The following NELL2 variants were observed in gnomAD, a reference collection of about 807,000 sequenced individuals.
NELL2 encodes neural EGFL like 2.
Under a neutral mutation model 109.6 loss-of-function variants are expected in NELL2, and 41 were observed. That is an observed-to-expected ratio of 0.37 (90% CI 0.29 to 0.49). NELL2 has a LOEUF of 0.49. Ranked by LOEUF, NELL2 falls within the 20% of genes least tolerant of loss-of-function variation. NELL2 has a pLI of 0.98. For missense variants in NELL2, 900 were observed against 1,008.3 expected, an observed-to-expected ratio of 0.89 and a Z score of 1.45; for synonymous variants, 355 against 344.7, an observed-to-expected ratio of 1.03 and a Z score of -0.33.
At chr12:44,738,087 C>T (rs1327922765) in intron 9 of NELL2, among the ~76,000 whole-genome samples, 1 of 152,198 alleles carries the variant, frequency 6.6e-6, no homozygotes, top group Admixed American at 6.5e-5. Context: ...GAAGTTTTCT[C>T]TGCTCTATGA....
At chr12:44,663,532 C>T (rs1184039449) in intron 13 of NELL2, among the ~76,000 whole-genome samples, 1 of 152,116 alleles carries the variant, frequency 6.6e-6, no homozygotes, top group African/African-American at 2.4e-5. Flanking sequence ...GTCTGAATAG[C>T]GTTTCTTAAA....
chr12:44,777,672 G>A (rs1371107487), intron 5 of NELL2, among the ~76,000 whole-genome samples: 1 of 152,078 alleles, frequency 6.6e-6, no homozygotes, highest in Non-Finnish European at 1.5e-5. Context: ...TCTAGCTTCA[G>A]CAACTCTGAA....
At chr12:44,587,955 T>C (rs1339492897) in intron 15 of NELL2, among the ~76,000 whole-genome samples, 1 of 151,984 alleles carries the variant, frequency 6.6e-6, no homozygotes, top group Admixed American at 6.6e-5. Flanking sequence ...ATAGAGACCA[T>C]CCTGGCTAAC....
rs112470991 is a variant in NELL2, at chr12:44,832,281, T to G, written c.185-16145A>C. Among the ~76,000 whole-genome samples the G allele has an allele frequency of 5.5e-3, 831 of 152,156 alleles. 6 individuals are homozygous for G. Among genetic ancestry groups the G allele is most frequent in the South Asian group, 0.033 (161 of 4,826 alleles). ...AATTCTTTATGTCTTTAGTTGATTA[T>G]GTCTAGAATGGAAGACCAAAACAAT... On this transcript the variant is annotated intron_variant, in intron 2 of 19. Coordinates refer to ENST00000429094, the MANE Select transcript of NELL2 (RefSeq NM_001145108.2).
At chr12:44,644,059 CTTACAG>C (rs1946960446) in intron 13 of NELL2, among the ~76,000 whole-genome samples, 1 of 152,092 alleles carries the variant, frequency 6.6e-6, no homozygotes, top group Non-Finnish European at 1.5e-5. Context: ...GTGTCTCAAA[CTTACAG>C]TTACTACTGT....
intron 15 of NELL2, among the ~76,000 whole-genome samples, chr12:44,547,591 T>C (rs976811139): frequency 6.6e-6 from 1 of 152,244 alleles, no homozygotes; most frequent in Non-Finnish European, 1.5e-5. Context: ...CATATATGCA[T>C]TGCTTTTTTA....
rs1335912875 is a variant in NELL2 at position 44,751,165 on chromosome 12, T to C, written c.994+23582A>G. Among the ~76,000 whole-genome samples, 13 of 152,100 alleles carry C rather than the reference T, an allele frequency of 8.5e-5. No homozygotes were observed. In the East Asian group the frequency reaches 1.9e-3, roughly 23 times the overall value. On this transcript the variant is annotated intron_variant, in intron 9 of 19. Transcript: ENST00000429094. The stretch of plus-strand genomic sequence containing the variant: ...CATTAAGGGATGAGAGACAGGGTAA[T>C]AGGAGCTGAAATATAATTACAGACT...
intron 15 of NELL2, among the ~76,000 whole-genome samples, chr12:44,606,502 C>T (rs545111970): frequency 6.6e-6 from 1 of 152,066 alleles, no homozygotes; most frequent in South Asian, 2.1e-4. Flanking sequence ...TTAATTAGGA[C>T]TTAATACTCA....
chr12:44,616,564 A>C (rs1237084453), intron 13 of NELL2, among the ~76,000 whole-genome samples: 1 of 152,174 alleles, frequency 6.6e-6, no homozygotes, highest in East Asian at 1.9e-4. Context: ...AGCCCATAAA[A>C]GAGGTATGAA....
intron 15 of NELL2, among the ~76,000 whole-genome samples, chr12:44,553,802 T>G (rs1450769341): frequency 6.6e-6 from 1 of 151,310 alleles, no homozygotes. Flanking sequence ...AATTGGACAT[T>G]GTGAGAATAT....
At chr12:44,595,531 A>G (rs959639589) in intron 15 of NELL2, among the ~76,000 whole-genome samples, 5 of 151,494 alleles carry the variant, frequency 3.3e-5, no homozygotes, top group Non-Finnish European at 5.9e-5. Flanking sequence ...GCTTCATGCC[A>G]TTCTCCTGCC....
intron 3 of NELL2, among the ~76,000 whole-genome samples, chr12:44,781,839 T>C (rs1941972790): frequency 6.6e-6 from 1 of 151,786 alleles, no homozygotes; most frequent in African/African-American, 2.4e-5. Context: ...CAAGACATTC[T>C]CAGATAAAGG....
At position 44,828,679 on chromosome 12, in the gene NELL2, G is replaced by A. The variant is rs564996586; in HGVS notation, c.185-12543C>T. On this transcript the variant is annotated intron_variant, in intron 2 of 19. Transcript: ENST00000429094. Reference sequence around the variant, plus strand: ...GTTGACCTTAAGCAAATCATTTGAAGTGCATGTTGGAATTTTCATTAATAA... The same window carrying A: ...GTTGACCTTAAGCAAATCATTTGAAATGCATGTTGGAATTTTCATTAATAA... Among the ~76,000 whole-genome samples the A allele has an allele frequency of 3.4e-4, 52 of 152,150 alleles. 1 individual carries two copies. In the South Asian group the frequency reaches 4.6e-3, roughly 13 times the overall value.
chr12:44,660,271 C>T (rs4362200), intron 13 of NELL2, among the ~76,000 whole-genome samples: 23,052 of 152,144 alleles, frequency 0.15, 2,067 homozygotes, highest in East Asian at 0.21. Flanking sequence ...GATTTCCCAA[C>T]CTTGGGACTA....
At chr12:44,712,158 T>A (rs1349883590) in intron 10 of NELL2, among the ~76,000 whole-genome samples, 1 of 152,088 alleles carries the variant, frequency 6.6e-6, no homozygotes, top group Admixed American at 6.6e-5. Context: ...TGTTATATTA[T>A]GCTAACCAAT....
rs1213194887 is a variant in NELL2, at chr12:44,818,741, T to TTTTTTTTTTTTTTTTG, written c.185-2606_185-2605insCAAAAAAAAAAAAAAA. On this transcript the variant is annotated intron_variant, in intron 2 of 19. Transcript: ENST00000429094. ...TGTTCACTTATTTTTTTTTTTTTATTTTTTTTTTTTTTGAGACGGAGTCTC... is the reference window on the plus strand; with the variant it reads ...TGTTCACTTATTTTTTTTTTTTTATTTTTTTTTTTTTTTTTGTTTTTTTTTTTTGAGACGGAGTCTC... Among the ~76,000 whole-genome samples, 2 of 134,050 alleles carry TTTTTTTTTTTTTTTTG rather than the reference T, an allele frequency of 1.5e-5. 1 individual carries two copies. The highest frequency in any genetic ancestry group is 3.3e-5 in the Non-Finnish European group (2 of 61,424). 87.9% of individuals were successfully genotyped at this position (134,050 alleles called of 152,430 possible).
At chr12:44,746,130 C>T (rs1940335344) in intron 9 of NELL2, among the ~76,000 whole-genome samples, 2 of 152,126 alleles carry the variant, frequency 1.3e-5, no homozygotes, top group Non-Finnish European at 2.9e-5. Context: ...ACAGAGCCCT[C>T]AGAAATAATG....
intron 15 of NELL2, among the ~76,000 whole-genome samples, chr12:44,538,849 A>G (rs954038227): frequency 6.6e-6 from 1 of 152,200 alleles, no homozygotes; most frequent in Admixed American, 6.6e-5. Flanking sequence ...AGAAAAGGAA[A>G]GAAAACTGAG....
chr12:44,881,326 G>A (rs752294635), intron 1 of NELL2, among the ~76,000 whole-genome samples: 9 of 151,922 alleles, frequency 5.9e-5, no homozygotes, highest in Non-Finnish European at 8.8e-5. Context: ...GAATTATCTG[G>A]AAAAGATTAA....
Sources: allele counts gnomAD v4.1 joint callset (sites outside exome capture counted in the v4.1 genomes callset), GRCh38; gene constraint gnomAD v4.1.1; transcripts MANE v1.5; gene names NCBI Gene and HGNC (gene_info 2026-07-23, HGNC 2026-07-21).